The following KCNMA1 variants were observed in gnomAD, a reference collection of about 807,000 sequenced individuals.
KCNMA1 encodes the protein Calcium-activated potassium channel subunit alpha-1.
In KCNMA1, 29 loss-of-function variants were observed where a neutral mutation model predicts 140.0. The ratio of observed to expected loss-of-function variants is 0.21; its 90% confidence interval spans 0.15 to 0.28. The LOEUF is 0.28. Among genes scored for constraint, KCNMA1 ranks in the 10% least tolerant of loss-of-function variants. The pLI is 1.00. For synonymous variants in KCNMA1, 612 were observed against 611.9 expected (o/e 1.00, Z 0.00); for missense variants, 880 against 1,602.2 (o/e 0.55, Z 7.70).
At chr10:77,281,334 A>G (rs1188579594) in intron 2 of KCNMA1, among the ~76,000 whole-genome samples, 1 of 152,186 alleles carries the variant, frequency 6.6e-6, no homozygotes, top group Non-Finnish European at 1.5e-5. Context: ...ACCATTCTGG[A>G]GCCTCTGGCT....
chr10:77,003,219 G>A (rs1230702730), intron 18 of KCNMA1, among the ~76,000 whole-genome samples: 3 of 152,080 alleles, frequency 2.0e-5, no homozygotes, highest in African/African-American at 4.8e-5. Flanking sequence ...TGTTCTTTTA[G>A]TGTCCTAGCT....
chr10:77,341,050 AG>A, intron 2 of KCNMA1, among the ~76,000 whole-genome samples: 1 of 152,254 alleles, frequency 6.6e-6, no homozygotes, highest in African/African-American at 2.4e-5. Context: ...GCCTCTCTGC[AG>A]GGGGTTAAGC....
intron 1 of KCNMA1, among the ~76,000 whole-genome samples, chr10:77,464,434 T>C (rs969459758): frequency 3.3e-5 from 5 of 151,796 alleles, no homozygotes; most frequent in African/African-American, 1.2e-4. Flanking sequence ...TTAATGTCAT[T>C]TTAAGCCTTG....
chr10:76,944,727 C>G (rs201095679), intron 23 of KCNMA1, 46 bp downstream of exon 23: 1 of 1,557,406 alleles, frequency 6.4e-7, no homozygotes, highest in Non-Finnish European at 8.9e-7. Context: ...TTGCCAGCCC[C>G]TGTCCCCTGC....
At chr10:77,398,156 T>C (rs932251627) in intron 2 of KCNMA1, among the ~76,000 whole-genome samples, 2 of 152,004 alleles carry the variant, frequency 1.3e-5, no homozygotes, top group Non-Finnish European at 1.5e-5. Flanking sequence ...GTGAGTAGTG[T>C]TGTGATAAAC....
chr10:77,129,123 G>C (rs2097799575), intron 5 of KCNMA1, among the ~76,000 whole-genome samples: 1 of 152,144 alleles, frequency 6.6e-6, no homozygotes, highest in Non-Finnish European at 1.5e-5. Context: ...AGCCAAGTTT[G>C]GGAACCAGTG....
At chr10:77,619,996 G>T (rs768987109) in intron 1 of KCNMA1, among the ~76,000 whole-genome samples, 33 of 152,180 alleles carry the variant, frequency 2.2e-4, no homozygotes, top group Non-Finnish European at 7.3e-5. Context: ...GACCACGCCA[G>T]GTCATCTCCG....
intron 2 of KCNMA1, among the ~76,000 whole-genome samples, chr10:77,382,921 T>G (rs1262676746): frequency 1.8e-5 from 2 of 113,034 alleles, no homozygotes; most frequent in East Asian, 2.8e-4. Flanking sequence ...CACACACACA[T>G]ACATATATAT....
intron 1 of KCNMA1, among the ~76,000 whole-genome samples, chr10:77,458,663 G>A (rs769947672): frequency 1.3e-5 from 2 of 152,162 alleles, no homozygotes; most frequent in Non-Finnish European, 2.9e-5. Context: ...AACCAGCTGG[G>A]GAGTGGGGAA....
intron 1 of KCNMA1, among the ~76,000 whole-genome samples, chr10:77,489,516 T>A (rs1007422219): frequency 6.6e-6 from 1 of 152,062 alleles, no homozygotes; most frequent in Non-Finnish European, 1.5e-5. Context: ...TGTTTGTATT[T>A]TTAGTAGAGA....
chr10:77,277,267 C>T (rs1296730313), intron 2 of KCNMA1, among the ~76,000 whole-genome samples: 1 of 152,168 alleles, frequency 6.6e-6, no homozygotes, highest in African/African-American at 2.4e-5. Flanking sequence ...AAGGAGCATT[C>T]CTGGGCCTCA....
chr10:77,382,284 A>G (rs655455), intron 2 of KCNMA1, among the ~76,000 whole-genome samples: 124,466 of 152,118 alleles, frequency 0.82, 51,209 homozygotes, highest in African/African-American at 0.9. Flanking sequence ...TCCTTGTTCA[A>G]CTCCTGCTAT....
chr10:77,301,619 CAT>C (rs1408172932), intron 2 of KCNMA1, among the ~76,000 whole-genome samples: 1 of 152,114 alleles, frequency 6.6e-6, no homozygotes, highest in African/African-American at 2.4e-5. Context: ...AAATCATACA[CAT>C]GACTCATTTC....
intron 14 of KCNMA1, among the ~76,000 whole-genome samples, chr10:77,041,798 A>G (rs1205753230): frequency 6.6e-6 from 1 of 152,146 alleles, no homozygotes; most frequent in East Asian, 1.9e-4. Context: ...GCCAACAGGA[A>G]GTGGCTCTTT....
chr10:76,951,950 C>T, intron 21 of KCNMA1: 1 of 1,273,112 alleles, frequency 7.9e-7, no homozygotes, highest in Non-Finnish European at 1.1e-6. Context: ...TCTCCAGTAA[C>T]TAGAATGGTG....
At chr10:77,116,260 G>A (rs948899109) in intron 6 of KCNMA1, among the ~76,000 whole-genome samples, 2 of 152,044 alleles carry the variant, frequency 1.3e-5, no homozygotes, top group Non-Finnish European at 2.9e-5. Flanking sequence ...AATTCACATC[G>A]ATGGACACAG....
chr10:77,471,606 C>T (rs562448097), intron 1 of KCNMA1, among the ~76,000 whole-genome samples: 16 of 150,758 alleles, frequency 1.1e-4, no homozygotes, highest in Admixed American at 1.0e-3. Context: ...ACACACCACA[C>T]ACACTATACA....
At chr10:77,316,686 A>G (rs944431339) in intron 2 of KCNMA1, among the ~76,000 whole-genome samples, 2 of 152,166 alleles carry the variant, frequency 1.3e-5, no homozygotes, top group East Asian at 1.9e-4. Flanking sequence ...ACCTCAGCCA[A>G]TAATTTTAGG....
intron 1 of KCNMA1, among the ~76,000 whole-genome samples, chr10:77,519,518 T>C (rs1029919008): frequency 6.6e-6 from 1 of 152,174 alleles, no homozygotes; most frequent in African/African-American, 2.4e-5. Flanking sequence ...TTTATGATTA[T>C]TTGCGGGCAC....
Sources: gnomAD v4.1 joint callset for allele counts (sites outside exome capture counted in the v4.1 genomes callset) on GRCh38, gnomAD v4.1.1 for gene constraint, MANE v1.5 for transcripts, NCBI Gene and HGNC (gene_info 2026-07-23, HGNC 2026-07-21) for gene names.